The following ASGR2 variants were observed in gnomAD, a reference collection of about 807,000 sequenced individuals.
ASGR2 encodes C-type lectin domain family 4 member H2.
In ASGR2, 34 loss-of-function variants were observed where a neutral mutation model predicts 32.3. That is an observed-to-expected ratio of 1.05 (90% CI 0.80 to 1.40). The LOEUF is 1.40. Among genes scored for constraint, ASGR2 ranks in the 40% most tolerant of loss-of-function variants. The pLI is 0.00. For missense variants in ASGR2, 385 were observed against 386.4 expected (o/e 1.00, Z 0.03); for synonymous variants, 143 against 150.0 (o/e 0.95, Z 0.34).
intron 7 of ASGR2, 96 bp from the exon 8 acceptor site, chr17:7,102,292 G>C: frequency 9.9e-7 from 1 of 1,009,166 alleles, no homozygotes; most frequent in South Asian, 1.3e-5. Flanking sequence ...GCCTTCCCCA[G>C]CCTGATCTGC....
At chr17:7,103,072 G>A (rs1913090161) in intron 7 of ASGR2, among the ~76,000 whole-genome samples, 1 of 152,126 alleles carries the variant, frequency 6.6e-6, no homozygotes, top group Non-Finnish European at 1.5e-5. Flanking sequence ...GGGAAGGTGT[G>A]GTCACCTGGT....
At chr17:7,103,298 T>C (rs1364624262) in intron 7 of ASGR2, among the ~76,000 whole-genome samples, 1 of 152,182 alleles carries the variant, frequency 6.6e-6, no homozygotes, top group African/African-American at 2.4e-5. Flanking sequence ...ATCCCACAAA[T>C]AGGACAAAGT....
rs200095157 is a variant in ASGR2, at chr17:7,107,562, T to C, written c.410-245A>G. 10 of 272,394 alleles carry C rather than the reference T, an allele frequency of 3.7e-5. No homozygotes were observed. Among genetic ancestry groups the C allele is most frequent in the Admixed American group, 9.1e-5 (1 of 10,948 alleles). 16.9% of individuals were successfully genotyped at this position (272,394 alleles called of 1,614,324 possible). A position where few individuals can be genotyped will look rare whatever the true frequency, so the allele number is the denominator to read the frequency against. ...CACACATCACATGCGTACACACACA[T>C]ATACCATACCGCACACACACAGACT... On this transcript the variant is annotated intron_variant, in intron 5 of 8. Coordinates refer to ENST00000691900, the MANE Select transcript of ASGR2 (RefSeq NM_001201352.2). The surrounding 1 kb of genome is among the most constrained non-coding windows in gnomAD (Gnocchi z 5.0).
chr17:7,108,485 T>G lies in ASGR2; in HGVS notation c.314A>C (p.Glu105Ala). The change falls in exon 4 of 9, where the codon GAG becomes GCG. Residue 105 changes from glutamate (E) to alanine (A), a missense_variant. By Grantham distance (107) the Glu-to-Ala change is moderately radical. Coordinates refer to ENST00000691900, the MANE Select transcript of ASGR2 (RefSeq NM_001201352.2). This position sits in a 1 kb window ranked among gnomAD's most constrained non-coding sequence, Gnocchi z 4.9. ...ACCGTGGGTGCTGATTGCCTGGACC[T>G]CCGTCAGGGTGCTCGAGGAGAAGTT... ...FSNFSSSTLT[E>A]VQAISTHGGS... The G allele has an allele frequency of 6.2e-7, 1 of 1,607,360 alleles. No individual in the cohort carries two copies. The highest frequency in any genetic ancestry group is 1.1e-5 in the South Asian group (1 of 89,556).
chr17:7,110,830 A>G (rs1831867139), intron 2 of ASGR2, among the ~76,000 whole-genome samples: 2 of 152,228 alleles, frequency 1.3e-5, no homozygotes, highest in East Asian at 3.8e-4. Flanking sequence ...AAGGAGGAGT[A>G]AAGATCCCTG....
intron 7 of ASGR2, among the ~76,000 whole-genome samples, chr17:7,102,897 G>A (rs147295093): frequency 6.6e-6 from 1 of 152,300 alleles, no homozygotes; most frequent in African/African-American, 2.4e-5. Flanking sequence ...AGCCCGGACA[G>A]CCAGTTGCCA....
intron 7 of ASGR2, among the ~76,000 whole-genome samples, chr17:7,103,374 G>A (rs570088018): frequency 1.3e-5 from 2 of 152,320 alleles, no homozygotes; most frequent in South Asian, 2.1e-4. Context: ...AGGAGTCAAC[G>A]GAGTTGGAGA....
In ASGR2 at chr17:7,107,766, C is replaced by T. The variant is rs1232660106; in HGVS notation, c.409+70G>A. The T allele has an allele frequency of 1.5e-5, 2 of 134,480 alleles. No homozygotes were observed. Among genetic ancestry groups the T allele is most frequent in the Admixed American group, 1.5e-4 (1 of 6,728 alleles). 8.3% of individuals were successfully genotyped at this position (134,480 alleles called of 1,614,324 possible). ...ACGTGCACACTACACACACCGCACA[C>T]GTACACACTACACACACCGCACACG... On this transcript the variant is annotated intron_variant, in intron 5 of 8. Coordinates refer to ENST00000691900, the MANE Select transcript of ASGR2 (RefSeq NM_001201352.2). The surrounding 1 kb of genome is among the most constrained non-coding windows in gnomAD (Gnocchi z 5.0).
In ASGR2 at chr17:7,108,942, T is replaced by G; in HGVS notation, c.125-54A>C. On this transcript the variant is annotated intron_variant, in intron 2 of 8. Transcript: ENST00000691900. The surrounding 1 kb of genome is among the most constrained non-coding windows in gnomAD (Gnocchi z 4.9). The stretch of plus-strand genomic sequence containing the variant: ...AGCCTGGGTGTGGGGAGCCGGAGGG[T>G]AAAGACAGGGCACCGAAGCCTGAGG... 1 of 1,375,660 alleles carries G rather than the reference T, an allele frequency of 7.3e-7. No homozygotes were observed. The highest frequency in any genetic ancestry group is 1.7e-5 in the African/African-American group (1 of 60,540). 85.2% of individuals were successfully genotyped at this position (1,375,660 alleles called of 1,614,324 possible).
chr17:7,111,454 A>T (rs1373743123), intron 2 of ASGR2, among the ~76,000 whole-genome samples: 1 of 151,968 alleles, frequency 6.6e-6, no homozygotes, highest in East Asian at 1.9e-4. Flanking sequence ...CAGGAGATCG[A>T]CACCATCCTG....
rs1915089877 is a variant in ASGR2, at chr17:7,113,697, AC to A, written c.124+419del. ...CAACATATACTCACACAACATACAC[AC>A]ACAACACACTCTCACACACAACATA... On this transcript the variant is annotated intron_variant, in intron 2 of 8. Transcript: ENST00000691900. The surrounding 1 kb of genome is among the most constrained non-coding windows in gnomAD (Gnocchi z 5.1). Among the ~76,000 whole-genome samples the A allele has an allele frequency of 6.7e-6, 1 of 148,840 alleles. No individual in the cohort carries two copies. The highest frequency in any genetic ancestry group is 2.5e-5 in the African/African-American group (1 of 40,192).
At position 7,108,757 on chromosome 17, in the gene ASGR2, C is replaced by T. The variant is rs1320268130; in HGVS notation, c.241+15G>A. 2.5e-6 allele frequency: 4 copies of T among 1,613,872 alleles called. No individual in the cohort carries two copies. The highest frequency in any genetic ancestry group is 3.4e-6 in the Non-Finnish European group (4 of 1,179,930). The stretch of plus-strand genomic sequence containing the variant: ...CTACCCCTTGCCCATCCCTGCTGGC[C>T]CCCGTGACCCTCACTTTGGGACCCA... On this transcript the variant is annotated intron_variant, in intron 3 of 8. Coordinates refer to ENST00000691900, the MANE Select transcript of ASGR2 (RefSeq NM_001201352.2). This position sits in a 1 kb window ranked among gnomAD's most constrained non-coding sequence, Gnocchi z 4.9.
chr17:7,109,527 G>T (rs1043037303), intron 2 of ASGR2, among the ~76,000 whole-genome samples: 1 of 151,972 alleles, frequency 6.6e-6, no homozygotes, highest in African/African-American at 2.4e-5. Flanking sequence ...ACCACGCAAG[G>T]CCTCCTCCCC....
rs767191672 is a variant in ASGR2 at position 7,107,128 on chromosome 17, C to A, written c.520G>T (p.Val174Phe). 6.2e-7 allele frequency: 1 copy of A among 1,614,140 alleles called. No individual in the cohort carries two copies. The highest frequency in any genetic ancestry group is 1.6e-4 in the Middle Eastern group (1 of 6,062). Residue 174 changes from valine (V) to phenylalanine (F), a missense_variant, in exon 7 of 9, where the codon GTC (valine) becomes TTC (phenylalanine). Physicochemically the swap from Val to Phe is conservative, Grantham distance 50. Coordinates refer to ENST00000691900, the MANE Select transcript of ASGR2 (RefSeq NM_001201352.2). This position sits in a 1 kb window ranked among gnomAD's most constrained non-coding sequence, Gnocchi z 5.0. ...SNGSQRTCCPVNWVEHQGSCY... is the reference protein window; with the variant it reads ...SNGSQRTCCPFNWVEHQGSCY... ...CTGCCTTGGTGCTCCACCCAGTTGA[C>A]GGGGCAGCAGGTCCTTTGGGAGCCT...
intron 7 of ASGR2, among the ~76,000 whole-genome samples, chr17:7,104,117 G>A (rs568587252): frequency 6.6e-6 from 1 of 152,062 alleles, no homozygotes; most frequent in South Asian, 2.1e-4. Context: ...GGGAGGCCAA[G>A]GCAGGTGAAT....
chr17:7,111,369 C>A (rs1303600017), intron 2 of ASGR2, among the ~76,000 whole-genome samples: 1 of 152,164 alleles, frequency 6.6e-6, no homozygotes, highest in African/African-American at 2.4e-5. Flanking sequence ...AATGAAAAAA[C>A]ACACTGGCCA....
Position 7,101,520 on chromosome 17 carries a change from G to T in ASGR2, c.*55C>A. On this transcript the variant is annotated 3_prime_UTR_variant, in exon 9 of 9. Transcript: ENST00000691900. ...CTTCCTTTCCTCAAAATCCTCAACA[G>T]AGAAGCCAGAGCTGGGCAGGTGTGG... The T allele has an allele frequency of 6.3e-7, 1 of 1,578,436 alleles. No homozygotes were observed.
intron 2 of ASGR2, among the ~76,000 whole-genome samples, chr17:7,111,905 T>C (rs1914710945): frequency 6.8e-6 from 1 of 146,628 alleles, no homozygotes; most frequent in African/African-American, 2.5e-5. Context: ...TAGCCAGGTG[T>C]GGTGCCACAT....
chr17:7,104,130 C>A (rs1913258636), intron 7 of ASGR2, among the ~76,000 whole-genome samples: 1 of 151,836 alleles, frequency 6.6e-6, no homozygotes, highest in Non-Finnish European at 1.5e-5. Flanking sequence ...AGGTGAATCA[C>A]CTGAGATCGG....
Sources: gnomAD v4.1 joint callset for allele counts (sites outside exome capture counted in the v4.1 genomes callset) on GRCh38, gnomAD v4.1.1 for gene constraint, Gnocchi (gnomAD v3.1) non-coding constraint, MANE v1.5 for transcripts, NCBI Gene and HGNC (gene_info 2026-07-23, HGNC 2026-07-21) for gene names.